The following RTN3 variants were observed in gnomAD, a reference collection of about 807,000 sequenced individuals.
RTN3 encodes reticulon-3.
Under a neutral mutation model 77.8 loss-of-function variants are expected in RTN3, and 49 were observed. That is an observed-to-expected ratio of 0.63 (90% CI 0.50 to 0.80). RTN3 has a LOEUF of 0.80. Ranked by LOEUF, RTN3 falls within the 30% of genes least tolerant of loss-of-function variation. The probability of loss-of-function intolerance (pLI) is 0.00; values close to 1 mark genes in which losing one functional copy is unlikely to be tolerated. For missense variants in RTN3, 1,236 were observed against 1,211.9 expected (o/e 1.02, Z -0.29); for synonymous variants, 464 against 446.9 (o/e 1.04, Z -0.48).
chr11:63,706,723 T>G (rs1334822048), intron 2 of RTN3, among the ~76,000 whole-genome samples: 1 of 152,196 alleles, frequency 6.6e-6, no homozygotes, highest in East Asian at 1.9e-4. Context: ...ATTTTTATTT[T>G]TAAGGATTTT....
At position 63,724,129 on chromosome 11, in the gene RTN3, G is replaced by A. The variant is rs2957254; in HGVS notation, c.2530+3097G>A. On this transcript the variant is annotated intron_variant, in intron 3 of 8. Coordinates refer to ENST00000377819, the MANE Select transcript of RTN3 (RefSeq NM_001265589.2). ...CTTTCTGGAAGGCAGTTGGCAATAT[G>A]TAACAGACCTAGAACTGCCCTAGCA... Among the ~76,000 whole-genome samples the A allele has an allele frequency of 6.9e-3, 986 of 142,512 alleles. 11 individuals are homozygous for A. The highest frequency in any genetic ancestry group is 0.024 in the African/African-American group (935 of 38,908). 93.5% of individuals were successfully genotyped at this position (142,512 alleles called of 152,430 possible). A position where few individuals can be genotyped will look rare whatever the true frequency, so the allele number is the denominator to read the frequency against.
At position 63,758,199 on chromosome 11, in the gene RTN3, T is replaced by G; in HGVS notation, c.3097T>G (p.Ter1033GluextTer11). 1 of 1,613,160 alleles carries G rather than the reference T, an allele frequency of 6.2e-7. No individual in the cohort carries two copies. Among genetic ancestry groups the G allele is most frequent in the South Asian group, 1.1e-5 (1 of 90,596 alleles). The stretch of plus-strand genomic sequence containing the variant: ...TGGAATCGCCAAAAAAAAGGCAGAA[T>G]AAGTACATGGAAACCAGAAATGCAA... ...LPGIAKKKAE[*>E] The change falls in exon 9 of 9, where the codon TAA becomes GAA. Residue 1033 changes from the stop codon to glutamate (E), a stop_lost. Transcript: ENST00000377819.
At chr11:63,735,559 T>TCTCTCTCTCTCC (rs1248312628) in intron 3 of RTN3, among the ~76,000 whole-genome samples, 6 of 133,474 alleles carry the variant, frequency 4.5e-5, no homozygotes, top group Non-Finnish European at 8.0e-5. Context: ...TTTCTCTCTC[T>TCTCTCTCTCTCC]CTCTCTCTCT....
In RTN3 at chr11:63,759,061, T is replaced by C. The variant is rs2014533486; in HGVS notation, c.*860T>C. ...TTTCTTACTATAAAATAAATGTCTG[T>C]AACTGCTGTGCACTGCTGTAAACTT... On this transcript the variant is annotated 3_prime_UTR_variant, in exon 9 of 9. Transcript: ENST00000377819. 3 of 152,232 alleles carry C rather than the reference T, an allele frequency of 2.0e-5. No homozygotes were observed. Among genetic ancestry groups the C allele is most frequent in the Admixed American group, 2.0e-4 (3 of 15,278 alleles). The allele number at this position is 152,232 out of a possible 1,614,324, so 9.4% of individuals were successfully genotyped here. A position where few individuals can be genotyped will look rare whatever the true frequency, so the allele number is the denominator to read the frequency against.
At chr11:63,707,574 C>A (rs1294867188) in intron 2 of RTN3, among the ~76,000 whole-genome samples, 1 of 151,962 alleles carries the variant, frequency 6.6e-6, no homozygotes, top group Non-Finnish European at 1.5e-5. Context: ...TGGCTCACAC[C>A]TGTAATCCTA....
intron 3 of RTN3, among the ~76,000 whole-genome samples, chr11:63,747,561 T>C (rs1476000689): frequency 1.3e-5 from 2 of 152,206 alleles, no homozygotes; most frequent in African/African-American, 4.8e-5. Flanking sequence ...GATTACTTCT[T>C]ATATACAATC....
At chr11:63,683,832 A>G (rs1941195300) in intron 1 of RTN3, among the ~76,000 whole-genome samples, 1 of 151,852 alleles carries the variant, frequency 6.6e-6, no homozygotes, top group South Asian at 2.1e-4. Flanking sequence ...CGAAAGTAGT[A>G]GAATTATATC....
At chr11:63,690,770 C>T (rs1230371331) in intron 1 of RTN3, among the ~76,000 whole-genome samples, 2 of 152,180 alleles carry the variant, frequency 1.3e-5, no homozygotes, top group African/African-American at 4.8e-5. Flanking sequence ...TCACTTCATC[C>T]TCCTCTTAAC....
At chr11:63,690,616 T>A (rs753414274) in intron 1 of RTN3, among the ~76,000 whole-genome samples, 1 of 152,190 alleles carries the variant, frequency 6.6e-6, no homozygotes, top group Non-Finnish European at 1.5e-5. Flanking sequence ...TCAGTTACCC[T>A]TTTGAATTCA....
rs527689798 is a variant in RTN3 at position 63,718,490 on chromosome 11, T to C, written c.200-212T>C. ...ATCATTTGCAGTTTGTGGCATGATA[T>C]GGCTTTTCTGTTTCACTGTTGGCAG... is the stretch of plus-strand genomic sequence containing the variant. On this transcript the variant is annotated intron_variant, in intron 2 of 8. Transcript: ENST00000377819. 9.2e-5 allele frequency among the ~76,000 whole-genome samples: 14 copies of C among 152,336 alleles called. No homozygotes were observed. In the South Asian group the frequency reaches 1.9e-3, roughly 20 times the overall value.
chr11:63,738,207 T>C (rs1296145136), intron 3 of RTN3, among the ~76,000 whole-genome samples: 1 of 152,206 alleles, frequency 6.6e-6, no homozygotes, highest in African/African-American at 2.4e-5. Context: ...CAGTTTCCTT[T>C]TTGAGGTTAT....
intron 1 of RTN3, among the ~76,000 whole-genome samples, chr11:63,682,885 G>A (rs987499583): frequency 1.3e-5 from 2 of 152,146 alleles, no homozygotes; most frequent in African/African-American, 2.4e-5. Flanking sequence ...TCAAAGGAAC[G>A]GAGTCTTTGA....
intron 1 of RTN3, among the ~76,000 whole-genome samples, chr11:63,702,427 G>A (rs536693308): frequency 2.0e-4 from 30 of 151,294 alleles, no homozygotes; most frequent in Admixed American, 2.0e-3. Flanking sequence ...TGATTCTCCT[G>A]CCTCAGCCTT....
At chr11:63,684,542 C>T (rs1027261509) in intron 1 of RTN3, among the ~76,000 whole-genome samples, 1 of 151,952 alleles carries the variant, frequency 6.6e-6, no homozygotes, top group African/African-American at 2.4e-5. Context: ...ATCTGCCCTC[C>T]TCGGCCTCCC....
chr11:63,751,468 T>C (rs1417494264), intron 4 of RTN3, among the ~76,000 whole-genome samples: 1 of 152,246 alleles, frequency 6.6e-6, no homozygotes, highest in East Asian at 1.9e-4. Context: ...GCTGTAACTT[T>C]AACTAATGTT....
intron 1 of RTN3, among the ~76,000 whole-genome samples, chr11:63,700,011 A>G (rs920964884): frequency 1.3e-5 from 2 of 152,170 alleles, no homozygotes; most frequent in Non-Finnish European, 2.9e-5. Flanking sequence ...GGAATATTGT[A>G]CCAGCCATTA....
At chr11:63,728,886 CAAAAA>C (rs577443067) in intron 3 of RTN3, among the ~76,000 whole-genome samples, 1 of 78,680 alleles carries the variant, frequency 1.3e-5, no homozygotes. Flanking sequence ...GACTCCGTCT[CAAAAA>C]AAAAAAAAAA....
At chr11:63,752,695 G>A in intron 5 of RTN3, 50 bp downstream of exon 5, 1 of 1,587,550 alleles carries the variant, frequency 6.3e-7, no homozygotes, top group Non-Finnish European at 8.6e-7. Flanking sequence ...AGCAGGGACT[G>A]GGTTATAATT....
intron 1 of RTN3, among the ~76,000 whole-genome samples, chr11:63,703,926 G>T (rs939814610): frequency 6.6e-6 from 1 of 152,116 alleles, no homozygotes; most frequent in Non-Finnish European, 1.5e-5. Flanking sequence ...TGTGCAGGGG[G>T]ACTGGGAGGA....
Sources: allele counts gnomAD v4.1 joint callset (sites outside exome capture counted in the v4.1 genomes callset), GRCh38; gene constraint gnomAD v4.1.1; transcripts MANE v1.5; gene names NCBI Gene and HGNC (gene_info 2026-07-23, HGNC 2026-07-21).